BPNT2: variants seen among roughly 807,000 people sequenced by gnomAD.
BPNT2 encodes the protein Golgi-resident adenosine 3',5'-bisphosphate 3'-phosphatase.
BPNT2 carries 11 observed loss-of-function variants against 29.3 expected under a neutral mutation model. That is an observed-to-expected ratio of 0.38 (90% CI 0.24 to 0.62). The LOEUF (loss-of-function observed/expected upper bound fraction) is 0.62. Ranked by LOEUF, BPNT2 falls within the 20% of genes least tolerant of loss-of-function variation. The pLI is 0.62. For synonymous variants in BPNT2, 195 were observed against 187.7 expected (o/e 1.04, Z -0.32); for missense variants, 459 against 473.4 (o/e 0.97, Z 0.28).
At chr8:56,979,785 T>C (rs1483449815) in intron 2 of BPNT2, among the ~76,000 whole-genome samples, 1 of 152,196 alleles carries the variant, frequency 6.6e-6, no homozygotes, top group East Asian at 1.9e-4. Flanking sequence ...AATTTACTAT[T>C]TTGAATTCCA....
intron 4 of BPNT2, 196 bp from the exon 5 acceptor site, chr8:56,964,260 A>G: frequency 2.0e-6 from 1 of 503,136 alleles, no homozygotes; most frequent in Non-Finnish European, 3.5e-6. Flanking sequence ...TAAACTCAGA[A>G]CAAAAATACA....
chr8:56,986,495 C>G (rs764778953), intron 1 of BPNT2, among the ~76,000 whole-genome samples: 11 of 152,138 alleles, frequency 7.2e-5, no homozygotes, highest in Non-Finnish European at 1.5e-4. Flanking sequence ...AGTCAGGGGT[C>G]AGGAATCAAA....
chr8:56,970,912 CAAAA>C (rs1424818580), intron 3 of BPNT2, among the ~76,000 whole-genome samples: 1 of 151,854 alleles, frequency 6.6e-6, no homozygotes, highest in Non-Finnish European at 1.5e-5. Flanking sequence ...GAGAACAAAA[CAAAA>C]AATCCTCTTA....
chr8:56,965,805 T>C (rs908151091), intron 4 of BPNT2, among the ~76,000 whole-genome samples: 4 of 152,226 alleles, frequency 2.6e-5, no homozygotes, highest in African/African-American at 9.6e-5. Flanking sequence ...ATAATACTTA[T>C]GATGACTCCT....
chr8:56,980,476 A>G (rs1006694136), intron 1 of BPNT2, among the ~76,000 whole-genome samples: 4 of 152,210 alleles, frequency 2.6e-5, no homozygotes, highest in African/African-American at 7.2e-5. Context: ...GAAACTGAGC[A>G]TTGAAGAAAC....
rs1490403644 is a variant in BPNT2, at chr8:56,962,485, G to A, written c.*1308C>T. The A allele has an allele frequency of 6.6e-6, 1 of 152,186 alleles. No homozygotes were observed. The highest frequency in any genetic ancestry group is 1.9e-4 in the East Asian group (1 of 5,192). The allele number at this position is 152,186 out of a possible 1,614,324, so 9.4% of individuals were successfully genotyped here. A position where few individuals can be genotyped will look rare whatever the true frequency, so the allele number is the denominator to read the frequency against. On this transcript the variant is annotated 3_prime_UTR_variant, in exon 5 of 5. Coordinates refer to ENST00000262644, the MANE Select transcript of BPNT2 (RefSeq NM_017813.5). ...CTGGAGTCACATGAAATAACGGCAT[G>A]GGTAGTTTACATGAAGTTTCCAGAT...
chr8:56,971,471 GC>G (rs1260228386), intron 3 of BPNT2, among the ~76,000 whole-genome samples: 1 of 151,996 alleles, frequency 6.6e-6, no homozygotes, highest in East Asian at 1.9e-4. Flanking sequence ...ATTTTGGTAA[GC>G]TTTTTGGAGA....
rs776735539 is a variant in BPNT2 at position 56,993,395 on chromosome 8, C to A, written c.191G>T (p.Arg64Leu). 5.0e-6 allele frequency: 8 copies of A among 1,607,386 alleles called. No homozygotes were observed. The highest frequency in any genetic ancestry group is 1.7e-4 in the Middle Eastern group (1 of 6,056). ...AAADGGTVDL[R>L]EMLAVSVLAA... The stretch of plus-strand genomic sequence containing the variant: ...CAGCACTGACACAGCCAGCATCTCG[C>A]GCAAGTCCACGGTGCCCCCATCGGC... The change falls in exon 1 of 5, where the codon CGC becomes CTC. Residue 64 changes from arginine (R) to leucine (L), a missense_variant. Arg to Leu is a moderately radical substitution (Grantham distance 102). Transcript: ENST00000262644.
intron 1 of BPNT2, 73 bp downstream of exon 1, chr8:56,993,126 C>T: frequency 1.3e-6 from 2 of 1,544,700 alleles, no homozygotes; most frequent in Non-Finnish European, 1.7e-6. Flanking sequence ...GCTCCACATC[C>T]CATACTGTTA....
rs919226590 is a variant in BPNT2 at position 56,959,005 on chromosome 8, C to A, written c.*4788G>T. On this transcript the variant is annotated 3_prime_UTR_variant, in exon 5 of 5. Coordinates refer to ENST00000262644, the MANE Select transcript of BPNT2 (RefSeq NM_017813.5). ...CCTATTTTTAAAAACACAGAATGAG[C>A]AAGTCATTCCTGAACAAAAATTTAC... 6.6e-6 allele frequency: 1 copy of A among 152,292 alleles called. No individual in the cohort carries two copies. Among genetic ancestry groups the A allele is most frequent in the Middle Eastern group, 3.4e-3 (1 of 294 alleles). The allele number at this position is 152,292 out of a possible 1,614,324, so 9.4% of individuals were successfully genotyped here. A position where few individuals can be genotyped will look rare whatever the true frequency, so the allele number is the denominator to read the frequency against.
intron 4 of BPNT2, among the ~76,000 whole-genome samples, chr8:56,965,589 T>C (rs1805930915): frequency 6.6e-6 from 1 of 152,184 alleles, no homozygotes; most frequent in Admixed American, 6.5e-5. Flanking sequence ...AATCAAATAA[T>C]AGTATGCAAC....
At chr8:56,968,970 C>CTAT (rs1805990627) in intron 3 of BPNT2, among the ~76,000 whole-genome samples, 1 of 152,090 alleles carries the variant, frequency 6.6e-6, no homozygotes, top group South Asian at 2.1e-4. Flanking sequence ...GACTGGTGTC[C>CTAT]TTATAAGCAG....
At chr8:56,993,084 T>C in intron 1 of BPNT2, 115 bp downstream of exon 1, 4 of 1,523,436 alleles carry the variant, frequency 2.6e-6, no homozygotes, top group Non-Finnish European at 3.5e-6. Context: ...CTTCTGCGTC[T>C]CAATTTCCAC....
Position 56,961,827 on chromosome 8 carries a change from TG to T in BPNT2, c.*1965del, listed in dbSNP as rs1337663822. 6.6e-6 allele frequency: 1 copy of T among 151,996 alleles called. No individual in the cohort carries two copies. Among genetic ancestry groups the T allele is most frequent in the Admixed American group, 6.6e-5 (1 of 15,254 alleles). The allele number at this position is 151,996 out of a possible 1,614,324, so 9.4% of individuals were successfully genotyped here. A position where few individuals can be genotyped will look rare whatever the true frequency, so the allele number is the denominator to read the frequency against. ...TGCACTCCAGCCTGGCCAACGAGAG[TG>T]AAACTCTGTCTCGAAAAAATAAAAT... On this transcript the variant is annotated 3_prime_UTR_variant, in exon 5 of 5. Coordinates refer to ENST00000262644, the MANE Select transcript of BPNT2 (RefSeq NM_017813.5).
chr8:56,963,995 A>AC lies in BPNT2; in HGVS notation c.877dup (p.Val293GlyfsTer13), dbSNP rs1805894186. On this transcript the variant is annotated frameshift_variant, in exon 5 of 5. Transcript: ENST00000262644. LOFTEE classifies it high-confidence loss of function. ...TATATCCCACTTTTTGATGTATGTCACATGGATGTATAAATCAGCTTTTTC... is the reference window on the plus strand; with the variant it reads ...TATATCCCACTTTTTGATGTATGTCACCATGGATGTATAAATCAGCTTTTTC... 6.2e-7 allele frequency: 1 copy of AC among 1,612,044 alleles called. No homozygotes were observed. The highest frequency in any genetic ancestry group is 8.5e-7 in the Non-Finnish European group (1 of 1,178,674).
rs1347178892 is a variant in BPNT2, at chr8:56,993,388, C to G, written c.198G>C (p.Met66Ile). The G allele has an allele frequency of 5.0e-6, 8 of 1,608,238 alleles. No individual in the cohort carries two copies. Among genetic ancestry groups the G allele is most frequent in the Admixed American group, 1.7e-5 (1 of 59,950 alleles). ...ADGGTVDLRE[M>I]LAVSVLAAVR... The stretch of plus-strand genomic sequence containing the variant: ...CTGCGGCCAGCACTGACACAGCCAG[C>G]ATCTCGCGCAAGTCCACGGTGCCCC... Residue 66 changes from methionine (M) to isoleucine (I), a missense_variant, in exon 1 of 5, where the codon ATG (methionine) becomes ATC (isoleucine). Physicochemically the swap from Met to Ile is conservative, Grantham distance 10 (BLOSUM62 1). Coordinates refer to ENST00000262644, the MANE Select transcript of BPNT2 (RefSeq NM_017813.5).
intron 1 of BPNT2, among the ~76,000 whole-genome samples, chr8:56,992,623 C>A (rs1806435619): frequency 6.6e-6 from 1 of 152,048 alleles, no homozygotes; most frequent in Non-Finnish European, 1.5e-5. Flanking sequence ...CCTTAAAGGG[C>A]CCGCAAACTA....
At chr8:56,985,796 G>A (rs36065736) in intron 1 of BPNT2, among the ~76,000 whole-genome samples, 36,954 of 152,042 alleles carry the variant, frequency 0.24, 5,213 homozygotes, top group East Asian at 0.45. Context: ...CATCTGGAAG[G>A]CTATACTTCC....
intron 1 of BPNT2, among the ~76,000 whole-genome samples, chr8:56,984,866 C>A (rs550822550): frequency 6.6e-6 from 1 of 152,084 alleles, no homozygotes; most frequent in African/African-American, 2.4e-5. Flanking sequence ...AAGTGCTATC[C>A]CGTAATCTCT....
Sources: gnomAD v4.1 joint callset for allele counts (sites outside exome capture counted in the v4.1 genomes callset) on GRCh38, gnomAD v4.1.1 for gene constraint, MANE v1.5 for transcripts, NCBI Gene and HGNC (gene_info 2026-07-23, HGNC 2026-07-21) for gene names.